The following PACRG variants were observed in gnomAD, a reference collection of about 807,000 sequenced individuals.
PACRG encodes the protein parkin coregulated, also known as parkin coregulated gene protein.
A neutral mutation model predicts 29.7 loss-of-function variants in PACRG; 29 were observed. That is an observed-to-expected ratio of 0.98 (90% confidence interval 0.73 to 1.33). The LOEUF is 1.33. Among genes scored for constraint, PACRG ranks in the 40% most tolerant of loss-of-function variants. The pLI is 0.00. For synonymous variants in PACRG, 116 were observed against 118.7 expected, an observed-to-expected ratio of 0.98 and a Z score of 0.15; for missense variants, 279 against 316.2, an observed-to-expected ratio of 0.88 and a Z score of 0.89.
intron 2 of PACRG, among the ~76,000 whole-genome samples, chr6:162,911,677 G>T (rs1427007285): frequency 6.6e-6 from 1 of 152,134 alleles, no homozygotes. Flanking sequence ...AGATTTACTT[G>T]TTACTGGCAA....
chr6:162,777,364 ACACT>A lies in PACRG; in HGVS notation c.157-36780_157-36777del, dbSNP rs1371106184. 2.0e-5 allele frequency among the ~76,000 whole-genome samples: 3 copies of A among 152,186 alleles called. No individual in the cohort carries two copies. Among genetic ancestry groups the A allele is most frequent in the Non-Finnish European group, 4.4e-5 (3 of 68,034 alleles). ...TGGCTGATGTAGGCCATGTGGGCAC[ACACT>A]CAGCTTATTGATAACATCCCTCAGA... is the stretch of plus-strand genomic sequence containing the variant. On this transcript the variant is annotated intron_variant, in intron 1 of 4. Transcript: ENST00000366888. This position sits in a 1 kb window ranked among gnomAD's most constrained non-coding sequence, Gnocchi z 4.0.
At chr6:163,075,999 A>G (rs1013819176) in intron 3 of PACRG, among the ~76,000 whole-genome samples, 7 of 152,160 alleles carry the variant, frequency 4.6e-5, no homozygotes, top group Non-Finnish European at 7.3e-5. Flanking sequence ...GAAGGGGCAC[A>G]TTTCACTTCT....
Position 163,272,892 on chromosome 6 carries a change from C to CTT in PACRG, c.614-41919_614-41918dup, listed in dbSNP as rs200076248. Among the ~76,000 whole-genome samples the CTT allele has an allele frequency of 7.5e-3, 821 of 109,462 alleles. 80 individuals are homozygous for CTT. Among genetic ancestry groups the CTT allele is most frequent in the African/African-American group, 0.011 (292 of 26,038 alleles). 71.8% of individuals were successfully genotyped at this position (109,462 alleles called of 152,430 possible). On this transcript the variant is annotated intron_variant, in intron 4 of 4. Transcript: ENST00000366888. ...AAACATTTGGTAATGATGCATCATT[C>CTT]TTTTTTTTTTTTTTTTTGAGACGGA...
intron 4 of PACRG, among the ~76,000 whole-genome samples, chr6:163,178,361 G>T (rs929715961): frequency 1.3e-5 from 2 of 152,198 alleles, no homozygotes; most frequent in South Asian, 4.1e-4. Context: ...GAAGTGCTGC[G>T]TAGACTCCAA....
At chr6:163,199,173 T>G (rs1431197772) in intron 4 of PACRG, among the ~76,000 whole-genome samples, 1 of 152,162 alleles carries the variant, frequency 6.6e-6, no homozygotes, top group East Asian at 1.9e-4. Context: ...CATGATCATG[T>G]ACGGAATAAA....
intron 4 of PACRG, among the ~76,000 whole-genome samples, chr6:163,312,541 C>T (rs1235469741): frequency 6.6e-6 from 1 of 152,146 alleles, no homozygotes; most frequent in Non-Finnish European, 1.5e-5. Flanking sequence ...GCTTCATCTC[C>T]CCCGTGCAGC....
At chr6:162,904,569 T>C (rs1795799568) in intron 2 of PACRG, among the ~76,000 whole-genome samples, 1 of 152,166 alleles carries the variant, frequency 6.6e-6, no homozygotes, top group Non-Finnish European at 1.5e-5. Context: ...CTAAGACTCT[T>C]GATGAATGAA....
chr6:162,831,251 C>G (rs764027569), intron 2 of PACRG, among the ~76,000 whole-genome samples: 33 of 152,190 alleles, frequency 2.2e-4, no homozygotes, highest in Non-Finnish European at 4.3e-4. Flanking sequence ...TAAGATAGGT[C>G]TTTGTGATTA....
At position 162,972,513 on chromosome 6, in the gene PACRG, C is replaced by T. The variant is rs1379989744; in HGVS notation, c.292-89637C>T. Among the ~76,000 whole-genome samples, 6 of 152,162 alleles carry T rather than the reference C, an allele frequency of 3.9e-5. No homozygotes were observed. In the South Asian group the frequency reaches 1.2e-3, roughly 32 times the overall value. On this transcript the variant is annotated intron_variant, in intron 2 of 4. Transcript: ENST00000366888. The stretch of plus-strand genomic sequence containing the variant: ...AACAGTGTTGAATTACCTATTCTTG[C>T]AACCACATTGACCGAGCTTCATCTC...
At chr6:163,290,632 T>C (rs1421688832) in intron 4 of PACRG, among the ~76,000 whole-genome samples, 2 of 152,182 alleles carry the variant, frequency 1.3e-5, no homozygotes, top group African/African-American at 2.4e-5. Flanking sequence ...ATGCTAATCA[T>C]AGCACCTGCC....
intron 1 of PACRG, among the ~76,000 whole-genome samples, chr6:162,799,349 T>C (rs1176486068): frequency 6.6e-6 from 1 of 152,348 alleles, no homozygotes; most frequent in East Asian, 1.9e-4. Flanking sequence ...TTTTATATTC[T>C]TAATATTTCT....
At chr6:162,942,524 A>G (rs568292568) in intron 2 of PACRG, among the ~76,000 whole-genome samples, 43 of 152,148 alleles carry the variant, frequency 2.8e-4, no homozygotes, top group African/African-American at 7.7e-4. Context: ...TTAAATCCCT[A>G]ATTTCAAAAT....
At chr6:162,845,461 G>A (rs976572684) in intron 2 of PACRG, among the ~76,000 whole-genome samples, 5 of 150,812 alleles carry the variant, frequency 3.3e-5, no homozygotes, top group South Asian at 2.1e-4. Context: ...ATTAAAACTC[G>A]TGTTTACTGG....
chr6:162,790,236 T>C (rs534541670), intron 1 of PACRG, among the ~76,000 whole-genome samples: 3 of 152,320 alleles, frequency 2.0e-5, no homozygotes, highest in Admixed American at 2.0e-4. Context: ...GTTCTGTTAC[T>C]GCAGGAAGTG....
chr6:162,747,393 T>TATAA (rs1491581485), intron 1 of PACRG, among the ~76,000 whole-genome samples: 2,585 of 36,788 alleles, frequency 0.07, 628 homozygotes, highest in African/African-American at 0.21. Flanking sequence ...TATATATGTA[T>TATAA]ATATATATGT....
chr6:162,959,757 A>C (rs4543347), intron 2 of PACRG, among the ~76,000 whole-genome samples: 1 of 152,024 alleles, frequency 6.6e-6, no homozygotes, highest in Non-Finnish European at 1.5e-5. Flanking sequence ...GCTTGGACCA[A>C]GGTGCAGATG....
chr6:162,894,504 G>A (rs1795018255), intron 2 of PACRG, among the ~76,000 whole-genome samples: 1 of 152,122 alleles, frequency 6.6e-6, no homozygotes, highest in Non-Finnish European at 1.5e-5. Context: ...ATCACTGAGG[G>A]ATGAAAAAAG....
At chr6:163,132,973 T>G (rs1476834049) in intron 4 of PACRG, among the ~76,000 whole-genome samples, 1 of 152,232 alleles carries the variant, frequency 6.6e-6, no homozygotes, top group African/African-American at 2.4e-5. Flanking sequence ...GTCCACATGA[T>G]ATTTACAGTG....
chr6:163,186,654 G>A (rs543299608), intron 4 of PACRG, among the ~76,000 whole-genome samples: 2 of 152,108 alleles, frequency 1.3e-5, no homozygotes, highest in Admixed American at 6.5e-5. Flanking sequence ...GAGCCGTCGC[G>A]TGCAGGTGTG....
Sources: gnomAD v4.1 joint callset for allele counts (sites outside exome capture counted in the v4.1 genomes callset) on GRCh38, gnomAD v4.1.1 for gene constraint, Gnocchi (gnomAD v3.1) non-coding constraint, MANE v1.5 for transcripts, NCBI Gene and HGNC (gene_info 2026-07-23, HGNC 2026-07-21) for gene names.